Variants in HEATR1 observed in about 807,000 individuals in gnomAD.
The protein encoded by HEATR1 is HEAT repeat-containing protein 1.
HEATR1 carries 77 observed loss-of-function variants against 248.2 expected under a neutral mutation model. The observed-to-expected ratio is 0.31, with a 90% confidence interval of 0.26 to 0.37. HEATR1 has a LOEUF of 0.37. Ranked by LOEUF, HEATR1 falls within the 10% of genes least tolerant of loss-of-function variation. HEATR1 has a pLI of 1.00. For synonymous variants in HEATR1, 897 were observed against 923.1 expected, an observed-to-expected ratio of 0.97 and a Z score of 0.51; for missense variants, 2,420 against 2,504.9, an observed-to-expected ratio of 0.97 and a Z score of 0.72.
chr1:236,581,898 G>A (rs1308835091), intron 19 of HEATR1, among the ~76,000 whole-genome samples: 1 of 152,148 alleles, frequency 6.6e-6, no homozygotes, highest in African/African-American at 2.4e-5. Flanking sequence ...CAAAAAGACT[G>A]GGCTGTTGTT....
Position 236,549,678 on chromosome 1 carries a change from G to C in HEATR1, c.*1224C>G, listed in dbSNP as rs549781713. 1 of 152,230 alleles carries C rather than the reference G, an allele frequency of 6.6e-6. No homozygotes were observed. The highest frequency in any genetic ancestry group is 2.1e-4 in the South Asian group (1 of 4,816). 9.4% of individuals were successfully genotyped at this position (152,230 alleles called of 1,614,324 possible). ...AAAGCTGTAGAAGGCAAGAAGACTC[G>C]AGAATCCCCCAGAGTTATTTTTCTC... On this transcript the variant is annotated 3_prime_UTR_variant, in exon 45 of 45. Coordinates refer to ENST00000366582, the MANE Select transcript of HEATR1 (RefSeq NM_018072.6).
At chr1:236,598,796 C>T (rs866007422) in intron 4 of HEATR1, among the ~76,000 whole-genome samples, 1 of 152,182 alleles carries the variant, frequency 6.6e-6, no homozygotes, top group Non-Finnish European at 1.5e-5. Context: ...TTGCCTCCCC[C>T]CCTACCCTGG....
intron 36 of HEATR1, among the ~76,000 whole-genome samples, chr1:236,557,783 T>C (rs765077415): frequency 2.0e-5 from 3 of 152,210 alleles, no homozygotes; most frequent in Non-Finnish European, 4.4e-5. Flanking sequence ...TGGCCTTGCC[T>C]AACTGGGTGG....
Position 236,550,771 on chromosome 1 carries a change from A to G in HEATR1, c.*131T>C. The G allele has an allele frequency of 1.5e-6, 1 of 676,462 alleles. No individual in the cohort carries two copies. Among genetic ancestry groups the G allele is most frequent in the Non-Finnish European group, 2.5e-6 (1 of 403,798 alleles). The allele number at this position is 676,462 out of a possible 1,614,324, so 41.9% of individuals were successfully genotyped here. A position where few individuals can be genotyped will look rare whatever the true frequency, so the allele number is the denominator to read the frequency against. On this transcript the variant is annotated 3_prime_UTR_variant, in exon 45 of 45. Coordinates refer to ENST00000366582, the MANE Select transcript of HEATR1 (RefSeq NM_018072.6). Reference sequence around the variant, plus strand: ...CAGGTGGGGATTTTGTAAAGAAGTGATAAAACATTTGTAAGTAATCCAAGT... The same window carrying G: ...CAGGTGGGGATTTTGTAAAGAAGTGGTAAAACATTTGTAAGTAATCCAAGT...
intron 33 of HEATR1, 118 bp from the exon 34 acceptor site, chr1:236,559,955 A>C (rs939183780): frequency 9.2e-7 from 1 of 1,088,410 alleles, no homozygotes; most frequent in Non-Finnish European, 1.3e-6. Context: ...TCTGTACTAA[A>C]TTATTTCAAA....
intron 14 of HEATR1, among the ~76,000 whole-genome samples, chr1:236,586,727 T>G (rs1388654405): frequency 6.6e-6 from 1 of 151,868 alleles, no homozygotes; most frequent in Non-Finnish European, 1.5e-5. Context: ...GCTCATCCTG[T>G]CTAATCTTAA....
At chr1:236,553,895 C>T (rs1056100208) in intron 42 of HEATR1, among the ~76,000 whole-genome samples, 156 bp from the exon 43 acceptor site, 7 of 152,104 alleles carry the variant, frequency 4.6e-5, no homozygotes, top group Non-Finnish European at 7.3e-5. Context: ...AAATGTATTG[C>T]CTTCTAGAAC....
chr1:236,559,937 T>A (rs1280799085), intron 33 of HEATR1, 100 bp from the exon 34 acceptor site: 1 of 1,247,998 alleles, frequency 8.0e-7, no homozygotes, highest in Non-Finnish European at 1.1e-6. Context: ...AAAGACGAGT[T>A]AAATAATTCT....
rs932393757 is a variant in HEATR1 at position 236,586,003 on chromosome 1, A to G, written c.1928-62T>C. The G allele has an allele frequency of 3.8e-6, 6 of 1,576,866 alleles. No individual in the cohort carries two copies. In the Admixed American group the frequency reaches 1.0e-4, roughly 27 times the overall value. Reference sequence around the variant, plus strand: ...CACCAACACTCAAAGAATCACATGAAGAATTCAGGCAAACATTTTACTATT... The same window carrying G: ...CACCAACACTCAAAGAATCACATGAGGAATTCAGGCAAACATTTTACTATT... On this transcript the variant is annotated intron_variant, in intron 15 of 44. Coordinates refer to ENST00000366582, the MANE Select transcript of HEATR1 (RefSeq NM_018072.6).
chr1:236,596,228 A>G (rs576027089), intron 6 of HEATR1, among the ~76,000 whole-genome samples, 184 bp from the exon 7 acceptor site: 2 of 152,258 alleles, frequency 1.3e-5, no homozygotes, highest in Non-Finnish European at 1.5e-5. Flanking sequence ...GAGATGAGAC[A>G]AGTCTGTTGA....
intron 28 of HEATR1, among the ~76,000 whole-genome samples, chr1:236,569,329 C>G (rs1572038601): frequency 6.6e-6 from 1 of 152,148 alleles, no homozygotes; most frequent in Non-Finnish European, 1.5e-5. Context: ...GTGCATGCTA[C>G]CCTGCCCAGC....
intron 19 of HEATR1, among the ~76,000 whole-genome samples, 166 bp downstream of exon 19, chr1:236,582,570 T>G (rs1001296168): frequency 5.9e-5 from 9 of 152,038 alleles, no homozygotes; most frequent in Admixed American, 4.6e-4. Flanking sequence ...GCCTGGCTAA[T>G]TTTTGTATTT....
At chr1:236,588,650 T>C (rs981804143) in intron 12 of HEATR1, among the ~76,000 whole-genome samples, 1 of 152,212 alleles carries the variant, frequency 6.6e-6, no homozygotes, top group African/African-American at 2.4e-5. Flanking sequence ...GATCATTTTT[T>C]AAATATAACA....
At chr1:236,599,459 A>G in intron 4 of HEATR1, 24 bp downstream of exon 4, 1 of 1,602,984 alleles carries the variant, frequency 6.2e-7, no homozygotes, top group Non-Finnish European at 8.5e-7. Flanking sequence ...ATGATTACAG[A>G]CATATGTCAT....
rs917790071 is a variant in HEATR1, at chr1:236,549,664, A to C, written c.*1238T>G. The C allele has an allele frequency of 6.6e-6, 1 of 152,160 alleles. No individual in the cohort carries two copies. Among genetic ancestry groups the C allele is most frequent in the African/African-American group, 2.4e-5 (1 of 41,430 alleles). The allele number at this position is 152,160 out of a possible 1,614,324, so 9.4% of individuals were successfully genotyped here. On this transcript the variant is annotated 3_prime_UTR_variant, in exon 45 of 45. Coordinates refer to ENST00000366582, the MANE Select transcript of HEATR1 (RefSeq NM_018072.6). ...AGGGTGCCACAGGGAAAGCTGTAGA[A>C]GGCAAGAAGACTCGAGAATCCCCCA...
At chr1:236,587,631 A>G (rs1572049200) in intron 13 of HEATR1, 141 bp from the exon 14 acceptor site, 1 of 456,794 alleles carries the variant, frequency 2.2e-6, no homozygotes, top group Non-Finnish European at 3.9e-6. Flanking sequence ...TTTAAGATCT[A>G]TTTCTCAAAA....
intron 38 of HEATR1, 29 bp downstream of exon 38, chr1:236,556,071 C>T: frequency 6.2e-7 from 1 of 1,613,644 alleles, no homozygotes. Flanking sequence ...CTCCCTTCTC[C>T]AAAGTCTTAA....
At chr1:236,581,537 C>T in intron 19 of HEATR1, 123 bp from the exon 20 acceptor site, 2 of 641,376 alleles carry the variant, frequency 3.1e-6, no homozygotes, top group Non-Finnish European at 4.9e-6. Context: ...TTTGCTTTGT[C>T]TAATCATTTC....
chr1:236,568,639 T>A (rs1663335938), intron 29 of HEATR1, among the ~76,000 whole-genome samples: 1 of 152,168 alleles, frequency 6.6e-6, no homozygotes, highest in African/African-American at 2.4e-5. Flanking sequence ...CATCAACATG[T>A]AAGAAGGTAT....
Sources: gnomAD v4.1 joint callset for allele counts (sites outside exome capture counted in the v4.1 genomes callset) on GRCh38, gnomAD v4.1.1 for gene constraint, MANE v1.5 for transcripts, NCBI Gene and HGNC (gene_info 2026-07-23, HGNC 2026-07-21) for gene names.